TLN1: variants seen among roughly 807,000 people sequenced by gnomAD.
TLN1 encodes the protein talin 1.
TLN1 carries 56 observed loss-of-function variants against 292.3 expected under a neutral mutation model. That is an observed-to-expected ratio of 0.19 (90% CI 0.15 to 0.24). TLN1 has a LOEUF of 0.24. TLN1 is among the 10% of genes least tolerant of loss of function. The pLI is 1.00. For synonymous variants in TLN1, 1,119 were observed against 1,253.7 expected (o/e 0.89, Z 2.27); for missense variants, 2,433 against 3,248.2 (o/e 0.75, Z 6.10).
rs1269894894 is a variant in TLN1 at position 35,711,284 on chromosome 9, G to A, written c.3990C>T (p.Asn1330=). 1.9e-6 allele frequency: 3 copies of A among 1,614,058 alleles called. No individual in the cohort carries two copies. The highest frequency in any genetic ancestry group is 2.5e-6 in the Non-Finnish European group (3 of 1,180,052). ...KALSTDPAAP[N]LKSQLAAAAR... is the part of the protein sequence containing the mutation. ...CAGCTGCAGCCAGCTGACTCTTGAG[G>A]TTAGGGGCAGCAGGGTCCGTGGACA... Residue 1330 remains asparagine, a synonymous_variant, in exon 30 of 57, where the codon AAC becomes AAT. Coordinates refer to ENST00000314888, the MANE Select transcript of TLN1 (RefSeq NM_006289.4).
In TLN1 at chr9:35,711,628, C is replaced by T. The variant is rs1490567536; in HGVS notation, c.3846G>A (p.Leu1282=). Residue 1282 remains leucine, a synonymous_variant, in exon 29 of 57, where the codon CTG becomes CTA. Coordinates refer to ENST00000314888, the MANE Select transcript of TLN1 (RefSeq NM_006289.4). ...GGCCTGCCATCTCCACACCAGCTTC[C>T]AGGAAGGTGCTGAAGTCCTGTCCAA... is the stretch of plus-strand genomic sequence containing the variant. ...GRFGQDFSTF[L]EAGVEMAGQA... 2 of 1,614,048 alleles carry T rather than the reference C, an allele frequency of 1.2e-6. No homozygotes were observed. Among genetic ancestry groups the T allele is most frequent in the Non-Finnish European group, 8.5e-7 (1 of 1,180,018 alleles).
At chr9:35,700,666 G>A (rs1472471164) in intron 48 of TLN1, among the ~76,000 whole-genome samples, 1 of 152,188 alleles carries the variant, frequency 6.6e-6, no homozygotes. Context: ...GATGATAGGA[G>A]GGCATTTTAG....
chr9:35,699,679 AAGG>A lies in TLN1; in HGVS notation c.6769-221_6769-219del. The A allele has an allele frequency of 6.1e-6, 6 of 985,432 alleles. No homozygotes were observed. The highest frequency in any genetic ancestry group is 7.2e-6 in the Non-Finnish European group (6 of 829,934). The allele number at this position is 985,432 out of a possible 1,614,324, so 61.0% of individuals were successfully genotyped here. On this transcript the variant is annotated intron_variant, in intron 50 of 56. Coordinates refer to ENST00000314888, the MANE Select transcript of TLN1 (RefSeq NM_006289.4). The surrounding 1 kb of genome is among the most constrained non-coding windows in gnomAD (Gnocchi z 4.0). ...TGTCACTCACCGGCTGACAAGGAGC[AAGG>A]AGAATGATGAGATGAAAGAGGAGAC...
In TLN1 at chr9:35,707,585, G is replaced by A. The variant is rs55883449; in HGVS notation, c.4633-97C>T. On this transcript the variant is annotated intron_variant, in intron 35 of 56. Transcript: ENST00000314888. This position sits in a 1 kb window ranked among gnomAD's most constrained non-coding sequence, Gnocchi z 5.6. Reference sequence around the variant, plus strand: ...TCCTTCCTGGGACTTACAGGATTTGGGGAGAGGCTAGGTGGTCAGTCTGAA... The same window carrying A: ...TCCTTCCTGGGACTTACAGGATTTGAGGAGAGGCTAGGTGGTCAGTCTGAA... 2,782 of 1,577,062 alleles carry A rather than the reference G, an allele frequency of 1.8e-3. 2 individuals carry two copies. The highest frequency in any genetic ancestry group is 2.1e-3 in the Middle Eastern group (12 of 5,590).
intron 25 of TLN1, among the ~76,000 whole-genome samples, chr9:35,713,723 GAGAAA>G (rs993323557): frequency 2.9e-5 from 4 of 138,122 alleles, no homozygotes; most frequent in Non-Finnish European, 4.7e-5. Flanking sequence ...GAAAAGAAAA[GAGAAA>G]AGAAAAGAAA....
Position 35,700,090 on chromosome 9 carries a change from A to C in TLN1, c.6661-9T>G, listed in dbSNP as rs779969254. The C allele has an allele frequency of 8.7e-6, 14 of 1,607,768 alleles. No homozygotes were observed. Among genetic ancestry groups the C allele is most frequent in the Admixed American group, 5.0e-5 (3 of 59,700 alleles). ...GGGTGGTAAGCTGCTTCCTGTCCCC[A>C]GAGTAATATGTTAGCTTTAGGCCCC... On this transcript the variant is annotated splice_polypyrimidine_tract_variant and intron_variant, in intron 49 of 56. Coordinates refer to ENST00000314888, the MANE Select transcript of TLN1 (RefSeq NM_006289.4).
rs201783008 is a variant in TLN1 at position 35,711,354 on chromosome 9, C to T, written c.3920G>A (p.Gly1307Asp). 1.2e-6 allele frequency: 2 copies of T among 1,614,190 alleles called. No individual in the cohort carries two copies. Among genetic ancestry groups the T allele is most frequent in the East Asian group, 4.5e-5 (2 of 44,884 alleles). Residue 1307 changes from glycine to aspartate, a missense_variant, in exon 30 of 57, where the codon GGC (glycine) becomes GAC (aspartate). Gly to Asp is a moderately conservative substitution (Grantham distance 94). Transcript: ENST00000314888. ...DRAQVVSNLK[G>D]ISMSSSKLLL... ...AAGTTTGCTTGAAGACATGGAGATG[C>T]CCTTCAAGTTGGACACAACTTGGGC...
Position 35,716,435 on chromosome 9 carries a change from G to A in TLN1, c.2580C>T (p.Ala860=). The change falls in exon 20 of 57, where the codon GCC becomes GCT. Residue 860 remains alanine (A), a synonymous_variant. Transcript: ENST00000314888. ...LENSRKLLSA[A]KILADATAKM... ...TGGCTGTGGCATCAGCTAGGATCTT[G>A]GCAGCACTTAAGAGCTTGCGGGAGT... 6.2e-7 allele frequency: 1 copy of A among 1,614,216 alleles called. No individual in the cohort carries two copies. Among genetic ancestry groups the A allele is most frequent in the Non-Finnish European group, 8.5e-7 (1 of 1,180,050 alleles).
intron 11 of TLN1, 83 bp from the exon 12 acceptor site, chr9:35,720,592 C>T (rs1295036151): frequency 2.9e-5 from 40 of 1,382,792 alleles, no homozygotes; most frequent in South Asian, 1.3e-4. Flanking sequence ...TTTCCATAAC[C>T]AGCCATTTTC....
At chr9:35,720,279 G>A (rs1487215751) in intron 12 of TLN1, 60 bp from the exon 13 acceptor site, 32 of 1,544,484 alleles carry the variant, frequency 2.1e-5, no homozygotes, top group Admixed American at 1.8e-4. Flanking sequence ...CGTCCCACCC[G>A]GTTACACTAC....
intron 34 of TLN1, chr9:35,708,094 T>G: frequency 6.9e-6 from 5 of 721,034 alleles, no homozygotes; most frequent in Non-Finnish European, 1.1e-5. Context: ...GACATACTAA[T>G]GGAGAAACCA....
intron 33 of TLN1, among the ~76,000 whole-genome samples, 169 bp from the exon 34 acceptor site, chr9:35,708,653 AG>A (rs2131888881): frequency 6.6e-6 from 1 of 152,358 alleles, no homozygotes; most frequent in South Asian, 2.1e-4. Flanking sequence ...ACTATAAAGA[AG>A]AAAAAAAATA....
At chr9:35,723,258 C>T (rs987976774) in intron 7 of TLN1, 10 of 237,306 alleles carry the variant, frequency 4.2e-5, no homozygotes, top group Middle Eastern at 1.6e-3. Flanking sequence ...TGTGCCACCA[C>T]GCCTGGCTAA....
chr9:35,711,900 G>A, intron 28 of TLN1, 105 bp downstream of exon 28: 1 of 1,593,464 alleles, frequency 6.3e-7, no homozygotes, highest in Non-Finnish European at 8.5e-7. Context: ...GTAATGAAAG[G>A]GGACAGATCT....
chr9:35,712,976 T>C lies in TLN1; in HGVS notation c.3420A>G (p.Ala1140=). The C allele has an allele frequency of 6.2e-7, 1 of 1,610,338 alleles. No individual in the cohort carries two copies. Among genetic ancestry groups the C allele is most frequent in the Non-Finnish European group, 8.5e-7 (1 of 1,178,948 alleles). The part of the protein sequence containing the change: ...SLAQAARGVA[A]LTSDPAVQAI... ...CCTGCACTGCAGGATCTGACGTCAG[T>C]GCAGCGACTCCCCTAGCGGCCTGGG... is the stretch of plus-strand genomic sequence containing the variant. The change falls in exon 27 of 57, where the codon GCA becomes GCG. Residue 1140 remains alanine, a synonymous_variant. Transcript: ENST00000314888.
At chr9:35,726,586 A>G (rs1156340211) in intron 1 of TLN1, among the ~76,000 whole-genome samples, 5 of 152,150 alleles carry the variant, frequency 3.3e-5, no homozygotes, top group Admixed American at 1.3e-4. Flanking sequence ...CCTGCAAACA[A>G]ACTCTAGCTA....
rs373167883 is a variant in TLN1 at position 35,712,013 on chromosome 9, T to C, written c.3673A>G (p.Ser1225Gly). The change falls in exon 28 of 57, where the codon AGT becomes GGT. Residue 1225 changes from serine (S) to glycine (G), a missense_variant. This residue lies in a region of TLN1 where 1,384 missense variants were observed against 1,699.6 expected (regional missense o/e 0.81). Coordinates refer to ENST00000314888, the MANE Select transcript of TLN1 (RefSeq NM_006289.4). ...AVGDASKRLL[S>G]DSLPPSTGTF... ...CCCTACCGTCCTCCTACCGAGTCAC[T>C]CAGGAGTCGCTTGCTGGCATCTCCA... The C allele has an allele frequency of 3.7e-6, 6 of 1,613,834 alleles. No individual in the cohort carries two copies. The highest frequency in any genetic ancestry group is 4.2e-6 in the Non-Finnish European group (5 of 1,179,980).
rs566969574 is a variant in TLN1, at chr9:35,720,928, G to C, written c.1105-15C>G. ...TCTCCAAAATCCTAGGGTGACAAGTGGGGGACTCAGAGGGAAAGCTCAAAT... is the reference window on the plus strand; with the variant it reads ...TCTCCAAAATCCTAGGGTGACAAGTCGGGGACTCAGAGGGAAAGCTCAAAT... On this transcript the variant is annotated splice_polypyrimidine_tract_variant and intron_variant, in intron 10 of 56. Transcript: ENST00000314888. The C allele has an allele frequency of 6.9e-6, 11 of 1,594,574 alleles. No individual in the cohort carries two copies. The highest frequency in any genetic ancestry group is 4.4e-5 in the South Asian group (4 of 90,602).
intron 8 of TLN1, 37 bp downstream of exon 8, chr9:35,722,824 G>A (rs374687281): frequency 8.7e-6 from 14 of 1,605,070 alleles, no homozygotes; most frequent in South Asian, 4.4e-5. Flanking sequence ...GCAAAGCTCC[G>A]CGGTCATCCC....
Sources: gnomAD v4.1 joint callset for allele counts (sites outside exome capture counted in the v4.1 genomes callset) on GRCh38, gnomAD v4.1.1 for gene constraint, gnomAD v4.1.1 regional missense constraint, Gnocchi (gnomAD v3.1) non-coding constraint, MANE v1.5 for transcripts, NCBI Gene and HGNC (gene_info 2026-07-23, HGNC 2026-07-21) for gene names.